The following SARS2 variants were observed in gnomAD, a reference collection of about 807,000 sequenced individuals.
The protein encoded by SARS2 is seryl-tRNA synthetase 2, mitochondrial.
Under a neutral mutation model 66.8 loss-of-function variants are expected in SARS2, and 52 were observed. The observed-to-expected ratio is 0.78, with a 90% CI of 0.62 to 0.98. The LOEUF (loss-of-function observed/expected upper bound fraction) is 0.98. SARS2 is among the 50% of genes least tolerant of loss of function. SARS2 has a pLI of 0.00. For synonymous variants in SARS2, 306 were observed against 281.4 expected, an observed-to-expected ratio of 1.09 and a Z score of -0.87; for missense variants, 673 against 706.3, an observed-to-expected ratio of 0.95 and a Z score of 0.53.
chr19:38,917,809 G>T lies in SARS2; in HGVS notation c.1075C>A (p.Pro359Thr). 1 of 1,614,138 alleles carries T rather than the reference G, an allele frequency of 6.2e-7. No individual in the cohort carries two copies. Among genetic ancestry groups the T allele is most frequent in the African/African-American group, 1.3e-5 (1 of 75,032 alleles). Residue 359 changes from proline to threonine, a missense_variant, in exon 12 of 16, where the codon CCT becomes ACT. By Grantham distance (38) the Pro-to-Thr change is conservative. Transcript: ENST00000221431. Reference protein sequence around the residue: ...TKVEMFGVTGPGLEQSSQLLE... With the variant: ...TKVEMFGVTGTGLEQSSQLLE... ...AGCTGTGAGCTCTGCTCCAGCCCAG[G>T]GCCTGTCACCCCAAACATCTCCACC...
chr19:38,922,400 T>G, intron 2 of SARS2, 133 bp from the exon 3 acceptor site: 1 of 817,654 alleles, frequency 1.2e-6, no homozygotes, highest in South Asian at 1.4e-5. Flanking sequence ...TGGGTCCCTC[T>G]GCAACTCTGT....
At chr19:38,929,212 C>G (rs1974683580) in intron 1 of SARS2, among the ~76,000 whole-genome samples, 1 of 151,398 alleles carries the variant, frequency 6.6e-6, no homozygotes, top group African/African-American at 2.4e-5. Flanking sequence ...AAAAAAATGT[C>G]TTTTACTAGA....
intron 5 of SARS2, among the ~76,000 whole-genome samples, chr19:38,920,872 TAGACACACAC>T (rs1179774297): frequency 4.4e-5 from 6 of 136,372 alleles, no homozygotes; most frequent in East Asian, 2.2e-4. Context: ...CACAGATACA[TAGACACACAC>T]AGACACACAC....
At chr19:38,918,895 A>T in intron 7 of SARS2, 82 bp from the exon 8 acceptor site, 1 of 1,368,466 alleles carries the variant, frequency 7.3e-7, no homozygotes, top group Non-Finnish European at 1.0e-6. Flanking sequence ...GGTGCTGCAG[A>T]GCCCCTTCCT....
At chr19:38,922,471 C>T (rs1363703883) in intron 2 of SARS2, among the ~76,000 whole-genome samples, 2 of 152,158 alleles carry the variant, frequency 1.3e-5, no homozygotes, top group Admixed American at 1.3e-4. Flanking sequence ...TAATCACAGC[C>T]GCAGATCCGT....
rs1005101081 is a variant in SARS2 at position 38,930,564 on chromosome 19, A to T, written c.173T>A (p.Leu58Gln). 1 of 1,613,904 alleles carries T rather than the reference A, an allele frequency of 6.2e-7. No individual in the cohort carries two copies. Among genetic ancestry groups the T allele is most frequent in the Non-Finnish European group, 8.5e-7 (1 of 1,180,004 alleles). Reference protein sequence around the residue: ...AREGYSALPQLDIERFCACPE... With the variant: ...AREGYSALPQQDIERFCACPE... ...GCATGCGCAGAACCGCTCTATGTCC[A>T]GCTGAGGGAGTGCGCTGTAGCCCTC... Residue 58 changes from leucine (L) to glutamine (Q), a missense_variant, in exon 1 of 16, where the codon CTG becomes CAG. Physicochemically the swap from Leu to Gln is moderately radical, Grantham distance 113. Transcript: ENST00000221431.
In SARS2 at chr19:38,917,998, A is replaced by G. The variant is rs1217189969; in HGVS notation, c.973T>C (p.Ser325Pro). Residue 325 changes from serine (S) to proline (P), a missense_variant, in exon 11 of 16, where the codon TCC becomes CCC. Transcript: ENST00000221431. ...GTCTCTGCCCGGTAGCAGGTGCTGG[A>G]GCAAACCATCCTGGCAGAGAGCAGG... The part of the protein sequence containing the change: ...FRDLPVRMVC[S>P]STCYRAETNT... 2 of 1,602,158 alleles carry G rather than the reference A, an allele frequency of 1.2e-6. No individual in the cohort carries two copies. Among genetic ancestry groups the G allele is most frequent in the Admixed American group, 1.7e-5 (1 of 57,842 alleles).
At chr19:38,917,879 T>C in intron 11 of SARS2, 42 bp downstream of exon 11, 1 of 1,613,132 alleles carries the variant, frequency 6.2e-7, no homozygotes, top group Middle Eastern at 1.6e-4. Flanking sequence ...GCTCTTGGGG[T>C]GGCCCCCCAC....
At chr19:38,919,209 C>G (rs1226311235) in intron 7 of SARS2, among the ~76,000 whole-genome samples, 1 of 152,158 alleles carries the variant, frequency 6.6e-6, no homozygotes, top group Non-Finnish European at 1.5e-5. Context: ...ATTACTTAAA[C>G]CCGGGAGGTG....
At chr19:38,929,266 T>C (rs996702800) in intron 1 of SARS2, among the ~76,000 whole-genome samples, 23 of 149,118 alleles carry the variant, frequency 1.5e-4, no homozygotes, top group Admixed American at 1.5e-3. Flanking sequence ...GTACTTAAGA[T>C]TGTGGAGTCT....
At position 38,915,562 on chromosome 19, in the gene SARS2, T is replaced by C. The variant is rs1357884394; in HGVS notation, c.*44A>G. 7 of 1,605,474 alleles carry C rather than the reference T, an allele frequency of 4.4e-6. No individual in the cohort carries two copies. Among genetic ancestry groups the C allele is most frequent in the Non-Finnish European group, 5.9e-6 (7 of 1,178,644 alleles). On this transcript the variant is annotated 3_prime_UTR_variant, in exon 16 of 16. Coordinates refer to ENST00000221431, the MANE Select transcript of SARS2 (RefSeq NM_017827.4). ...CCCAGGTGTCCGGGGTCTCCTGAAC[T>C]CCAGGAAGCAGTGACACCCCCGAGG...
At position 38,930,618 on chromosome 19, in the gene SARS2, T is replaced by C. The variant is rs776579814; in HGVS notation, c.119A>G (p.Asn40Ser). Residue 40 changes from asparagine to serine, a missense_variant, in exon 1 of 16, where the codon AAC (asparagine) becomes AGC (serine). Transcript: ENST00000221431. ...PRRSFTTEKR[N>S]RNLLYEYARE... is the part of the protein sequence containing the mutation. ...CGCATACTCGTACAGGAGGTTCCGG[T>C]TTCGTTTCTCTGTAGTGAAACTTCT... The C allele has an allele frequency of 2.5e-6, 4 of 1,614,132 alleles. No individual in the cohort carries two copies. The highest frequency in any genetic ancestry group is 8.5e-7 in the Non-Finnish European group (1 of 1,180,024).
chr19:38,926,234 C>T lies in SARS2; in HGVS notation c.334G>A (p.Ala112Thr), dbSNP rs760379923. 2.5e-6 allele frequency: 4 copies of T among 1,606,822 alleles called. No homozygotes were observed. The highest frequency in any genetic ancestry group is 2.5e-6 in the Non-Finnish European group (3 of 1,179,980). The change falls in exon 2 of 16, where the codon GCT becomes ACT. Residue 112 changes from alanine (A) to threonine (T), a missense_variant. By Grantham distance (58) the Ala-to-Thr change is moderately conservative. Transcript: ENST00000221431. The stretch of plus-strand genomic sequence containing the variant: ...AGGGCCCGCACTGCCTCAGTCACAG[C>T]TGCCTTCTCTTCCTCCAGGCTCCGG... Reference protein sequence around the residue: ...QIRSLEEEKAAVTEAVRALLA... With the variant: ...QIRSLEEEKATVTEAVRALLA...
intron 12 of SARS2, 81 bp downstream of exon 12, chr19:38,917,643 G>C: frequency 1.1e-6 from 1 of 906,266 alleles, no homozygotes; most frequent in Non-Finnish European, 1.8e-6. Flanking sequence ...GGTGGTTCCA[G>C]AGCGAAGAGC....
chr19:38,927,859 CCT>C (rs1373792288), intron 1 of SARS2, among the ~76,000 whole-genome samples: 1 of 150,976 alleles, frequency 6.6e-6, no homozygotes, highest in African/African-American at 2.4e-5. Flanking sequence ...ATGGTGAAAC[CCT>C]GTCTCTACTA....
intron 2 of SARS2, among the ~76,000 whole-genome samples, chr19:38,924,461 A>G (rs898494707): frequency 6.6e-6 from 1 of 152,136 alleles, no homozygotes; most frequent in African/African-American, 2.4e-5. Flanking sequence ...AGAACATTAA[A>G]TGATCCATTG....
intron 5 of SARS2, among the ~76,000 whole-genome samples, chr19:38,920,358 G>T (rs984781918): frequency 6.6e-6 from 1 of 151,616 alleles, no homozygotes; most frequent in African/African-American, 2.4e-5. Context: ...GAGACAGGGA[G>T]AGGAAATGAG....
Position 38,921,616 on chromosome 19 carries a change from G to A in SARS2, c.445C>T (p.Leu149Phe). The A allele has an allele frequency of 1.2e-6, 2 of 1,614,246 alleles. No individual in the cohort carries two copies. The highest frequency in any genetic ancestry group is 1.7e-6 in the Non-Finnish European group (2 of 1,180,038). Reference protein sequence around the residue: ...RARGREIRKELVHLYPREAQL... With the variant: ...RARGREIRKEFVHLYPREAQL... ...GCCTCCCTGGGGTACAGGTGAACAA[G>A]CTCCTTCCGGATCTCCCGGCCACGT... Residue 149 changes from leucine to phenylalanine, a missense_variant, in exon 4 of 16, where the codon CTT becomes TTT. Leu to Phe is a conservative substitution (Grantham distance 22, BLOSUM62 0). Coordinates refer to ENST00000221431, the MANE Select transcript of SARS2 (RefSeq NM_017827.4).
chr19:38,916,986 G>C (rs1341377795), intron 12 of SARS2, among the ~76,000 whole-genome samples: 1 of 150,708 alleles, frequency 6.6e-6, no homozygotes, highest in East Asian at 1.9e-4. Context: ...TTTAGAGACA[G>C]GGTCTCACTC....
Sources: allele counts gnomAD v4.1 joint callset (sites outside exome capture counted in the v4.1 genomes callset), GRCh38; gene constraint gnomAD v4.1.1; transcripts MANE v1.5; gene names NCBI Gene and HGNC (gene_info 2026-07-23, HGNC 2026-07-21).